Variants in TJP2 observed in about 807,000 individuals in gnomAD.
TJP2 encodes tight junction protein 2, also known as Friedreich ataxia region gene X104 (tight junction protein ZO-2).
Under a neutral mutation model 133.1 loss-of-function variants are expected in TJP2, and 91 were observed. The observed-to-expected ratio is 0.68, with a 90% CI of 0.58 to 0.81. The LOEUF is 0.81. Ranked by LOEUF, TJP2 falls within the 40% of genes least tolerant of loss-of-function variation. The probability of loss-of-function intolerance (pLI) is 0.00; values close to 1 mark genes in which losing one functional copy is unlikely to be tolerated. For synonymous variants in TJP2, 592 were observed against 583.4 expected, an observed-to-expected ratio of 1.01 and a Z score of -0.21; for missense variants, 1,541 against 1,565.6, an observed-to-expected ratio of 0.98 and a Z score of 0.26.
chr9:69,239,665 G>A (rs532886168), intron 16 of TJP2, among the ~76,000 whole-genome samples: 1 of 152,026 alleles, frequency 6.6e-6, no homozygotes, highest in African/African-American at 2.4e-5. Flanking sequence ...ACAAAAATTA[G>A]CTGGCCATGG....
chr9:69,148,560 C>T (rs1272956441), intron 1 of TJP2, among the ~76,000 whole-genome samples: 1 of 151,570 alleles, frequency 6.6e-6, no homozygotes, highest in Admixed American at 6.6e-5. Flanking sequence ...AGTAGAGATG[C>T]AGTTTTACCA....
At chr9:69,179,807 A>G (rs1428224911) in intron 1 of TJP2, among the ~76,000 whole-genome samples, 11 of 152,114 alleles carry the variant, frequency 7.2e-5, no homozygotes, top group Admixed American at 7.2e-4. Context: ...CTGAAAGTGA[A>G]TCTCTTAATG....
chr9:69,230,246 A>G lies in TJP2; in HGVS notation c.1671+14A>G. 6.2e-7 allele frequency: 1 copy of G among 1,614,066 alleles called. No homozygotes were observed. Among genetic ancestry groups the G allele is most frequent in the Non-Finnish European group, 8.5e-7 (1 of 1,179,970 alleles). ...CAGATTCTGAAGGTAAGAACAGCCC[A>G]GCTCTGTTTCTAGAAGTTACTTGTA... On this transcript the variant is annotated intron_variant, in intron 11 of 22. Transcript: ENST00000377245.
chr9:69,155,077 G>T (rs1370072290), intron 2 of TJP2, among the ~76,000 whole-genome samples: 2 of 151,806 alleles, frequency 1.3e-5, no homozygotes, highest in African/African-American at 4.8e-5. Flanking sequence ...AATTAGCCTG[G>T]TGTGGTGCTG....
chr9:69,237,633 A>G lies in TJP2; in HGVS notation c.2180-245A>G, dbSNP rs923758704. ...GGAGTTTGAGTTTAGTCTGGGCAAC[A>G]TAGTGAGATCTTGTCTCTTAAAAAA... is the stretch of plus-strand genomic sequence containing the variant. On this transcript the variant is annotated intron_variant, in intron 14 of 22. Transcript: ENST00000377245. Among the ~76,000 whole-genome samples the G allele has an allele frequency of 3.0e-5, 4 of 131,398 alleles. No individual in the cohort carries two copies. The East Asian group carries it at 6.5e-4, about 22-fold the overall frequency. 86.2% of individuals were successfully genotyped at this position (131,398 alleles called of 152,430 possible).
chr9:69,221,289 T>G lies in TJP2; in HGVS notation c.745T>G (p.Tyr249Asp). ...RSRGRSIDQD[Y>D]ERAYHRAYDP... ...CCGCGGCCGGAGCATTGACCAGGAC[T>G]ACGAGCGAGCCTATCACCGGGCCTA... is the stretch of plus-strand genomic sequence containing the variant. Residue 249 changes from tyrosine (Y) to aspartate (D), a missense_variant, in exon 5 of 23, where the codon TAC (tyrosine) becomes GAC (aspartate). Tyr to Asp is a radical substitution (Grantham distance 160, BLOSUM62 -3). Coordinates refer to ENST00000377245, the MANE Select transcript of TJP2 (RefSeq NM_004817.4). 6.2e-7 allele frequency: 1 copy of G among 1,607,396 alleles called. No individual in the cohort carries two copies. The highest frequency in any genetic ancestry group is 1.7e-4 in the Middle Eastern group (1 of 6,054).
chr9:69,225,473 C>T, intron 6 of TJP2, 66 bp downstream of exon 6: 1 of 1,047,366 alleles, frequency 9.5e-7, no homozygotes, highest in Non-Finnish European at 1.5e-6. Flanking sequence ...TGTCCACATT[C>T]AGCACCCACA....
At chr9:69,199,372 T>TA (rs902368694) in intron 1 of TJP2, among the ~76,000 whole-genome samples, 5 of 151,772 alleles carry the variant, frequency 3.3e-5, no homozygotes, top group South Asian at 2.1e-4. Flanking sequence ...CTACTAAAAT[T>TA]AAAAAAAATT....
At chr9:69,156,531 T>A (rs201005234) in intron 2 of TJP2, among the ~76,000 whole-genome samples, 142 of 123,532 alleles carry the variant, frequency 1.1e-3, no homozygotes, top group East Asian at 6.5e-3. Flanking sequence ...AGATTTTTTT[T>A]TTTTTTTTTT....
intron 1 of TJP2, among the ~76,000 whole-genome samples, chr9:69,137,985 AT>A (rs898563937): frequency 6.6e-6 from 1 of 151,848 alleles, no homozygotes; most frequent in Non-Finnish European, 1.5e-5. Flanking sequence ...TATAGAATTG[AT>A]TTTTCTCTCC....
At chr9:69,168,436 G>A (rs1199243506) in intron 2 of TJP2, among the ~76,000 whole-genome samples, 1 of 152,092 alleles carries the variant, frequency 6.6e-6, no homozygotes, top group African/African-American at 2.4e-5. Context: ...GATCTGGGAA[G>A]TGTACAAGTT....
intron 1 of TJP2, chr9:69,151,554 G>A: frequency 8.3e-7 from 1 of 1,210,808 alleles, no homozygotes; most frequent in East Asian, 3.2e-5. Context: ...CTAAAAACGG[G>A]CAAATTGTAT....
intron 1 of TJP2, among the ~76,000 whole-genome samples, chr9:69,128,613 T>C (rs10869917): frequency 0.72 from 108,737 of 151,150 alleles, 39,300 homozygotes; most frequent in Admixed American, 0.8. Flanking sequence ...AGCTCTGCCT[T>C]CCGGGTTCAC....
chr9:69,252,937 G>C (rs756925113), intron 22 of TJP2, 37 bp downstream of exon 22: 1 of 1,593,138 alleles, frequency 6.3e-7, no homozygotes. Context: ...CTAAGGCGGG[G>C]ACTTCTCAAG....
chr9:69,147,331 G>A (rs1452819701), intron 1 of TJP2, among the ~76,000 whole-genome samples: 1 of 152,206 alleles, frequency 6.6e-6, no homozygotes, highest in Non-Finnish European at 1.5e-5. Flanking sequence ...GGAGGACCTG[G>A]AGGCCAAACC....
intron 2 of TJP2, among the ~76,000 whole-genome samples, chr9:69,155,126 G>A (rs1298958703): frequency 6.7e-6 from 1 of 149,320 alleles, no homozygotes; most frequent in African/African-American, 2.5e-5. Context: ...GCTGAGGCAG[G>A]AGAATCACTT....
At chr9:69,238,570 G>T in intron 15 of TJP2, 140 bp from the exon 16 acceptor site, 3 of 732,860 alleles carry the variant, frequency 4.1e-6, no homozygotes, top group Non-Finnish European at 4.9e-6. Context: ...CACTAAGCAG[G>T]TTATGTGGGT....
chr9:69,174,558 TC>T, intron 1 of TJP2, 126 bp downstream of exon 1: 1 of 1,177,724 alleles, frequency 8.5e-7, no homozygotes, highest in Non-Finnish European at 1.2e-6. Context: ...GCTGGGATTC[TC>T]CCATCCGGAC....
chr9:69,246,792 T>A lies in TJP2; in HGVS notation c.2667+2T>A. On this transcript the variant is annotated splice_donor_variant, in intron 18 of 22. Transcript: ENST00000377245. LOFTEE classifies it high-confidence loss of function. Reference sequence around the variant, plus strand: ...GCGGTTTGGGTCTCTGAAGGAAAGGTATGTGGCATAGATATGCTGCTATGA... The same window carrying A: ...GCGGTTTGGGTCTCTGAAGGAAAGGAATGTGGCATAGATATGCTGCTATGA... 6.2e-7 allele frequency: 1 copy of A among 1,613,498 alleles called. No individual in the cohort carries two copies. The highest frequency in any genetic ancestry group is 8.5e-7 in the Non-Finnish European group (1 of 1,179,496).
Sources: allele counts gnomAD v4.1 joint callset (sites outside exome capture counted in the v4.1 genomes callset), GRCh38; gene constraint gnomAD v4.1.1; transcripts MANE v1.5; gene names NCBI Gene and HGNC (gene_info 2026-07-23, HGNC 2026-07-21).